The following PPA2 variants were observed in gnomAD, a reference collection of about 807,000 sequenced individuals.
PPA2 encodes inorganic pyrophosphatase 2, mitochondrial.
PPA2 carries 48 observed loss-of-function variants against 49.5 expected under a neutral mutation model. The observed-to-expected ratio is 0.97, with a 90% CI of 0.77 to 1.23. The LOEUF (loss-of-function observed/expected upper bound fraction) is 1.23. PPA2 is among the 50% of genes most tolerant of loss of function. PPA2 has a pLI of 0.00. For synonymous variants in PPA2, 131 were observed against 139.9 expected (o/e 0.94, Z 0.45); for missense variants, 429 against 410.1 (o/e 1.05, Z -0.40).
At chr4:105,453,720 A>C in intron 2 of PPA2, 78 bp from the exon 3 acceptor site, 1 of 1,109,142 alleles carries the variant, frequency 9.0e-7, no homozygotes, top group South Asian at 1.5e-5. Flanking sequence ...TAAAAATATG[A>C]CTATTGTATA....
intron 6 of PPA2, among the ~76,000 whole-genome samples, chr4:105,430,882 AC>A (rs1723768619): frequency 6.6e-6 from 1 of 152,248 alleles, no homozygotes; most frequent in African/African-American, 2.4e-5. Context: ...TTCTTCACTT[AC>A]AAAAACTAGT....
At position 105,426,053 on chromosome 4, in the gene PPA2, A is replaced by G. The variant is rs1228453574; in HGVS notation, c.529-1731T>C. 3.3e-5 allele frequency among the ~76,000 whole-genome samples: 5 copies of G among 152,160 alleles called. 1 individual carries two copies. Among genetic ancestry groups the G allele is most frequent in the African/African-American group, 1.2e-4 (5 of 41,428 alleles). On this transcript the variant is annotated intron_variant, in intron 6 of 11. Coordinates refer to ENST00000341695, the MANE Select transcript of PPA2 (RefSeq NM_176869.3). ...AGGGGGAACTTTCTGGGATGATGGAAATGCTTCATATTTTAATTGAAGGAG... is the reference window on the plus strand; with the variant it reads ...AGGGGGAACTTTCTGGGATGATGGAGATGCTTCATATTTTAATTGAAGGAG...
chr4:105,381,217 A>AT (rs1400429072), intron 10 of PPA2, among the ~76,000 whole-genome samples: 1 of 151,916 alleles, frequency 6.6e-6, no homozygotes, highest in Admixed American at 6.6e-5. Flanking sequence ...TGTTTACACA[A>AT]TTTTTTTCTA....
chr4:105,434,834 C>G (rs149782110), intron 6 of PPA2, among the ~76,000 whole-genome samples: 1 of 152,216 alleles, frequency 6.6e-6, no homozygotes, highest in African/African-American at 2.4e-5. Flanking sequence ...TTATTTCAAA[C>G]AAAGCAGTGT....
At chr4:105,437,781 A>C (rs1400633901) in intron 6 of PPA2, among the ~76,000 whole-genome samples, 169 bp downstream of exon 6, 2 of 152,184 alleles carry the variant, frequency 1.3e-5, no homozygotes, top group African/African-American at 2.4e-5. Flanking sequence ...GCTATAATTT[A>C]CCAACCCCTG....
At chr4:105,425,256 A>G (rs931262364) in intron 6 of PPA2, among the ~76,000 whole-genome samples, 17 of 152,362 alleles carry the variant, frequency 1.1e-4, no homozygotes, top group Middle Eastern at 6.8e-3. Context: ...CATTCAACAG[A>G]AACATTTCCA....
intron 6 of PPA2, among the ~76,000 whole-genome samples, chr4:105,428,762 T>C (rs915853221): frequency 1.3e-5 from 2 of 152,042 alleles, no homozygotes; most frequent in Admixed American, 6.5e-5. Flanking sequence ...GGCACATATA[T>C]ACCTACGTAA....
chr4:105,393,485 AAAT>A (rs57790851), intron 9 of PPA2, among the ~76,000 whole-genome samples: 26,562 of 132,434 alleles, frequency 0.2, 2,611 homozygotes, highest in African/African-American at 0.25. Context: ...CACTGTCTCA[AAAT>A]AATAATAATA....
chr4:105,374,692 A>G (rs1315460233), intron 10 of PPA2, among the ~76,000 whole-genome samples: 1 of 152,140 alleles, frequency 6.6e-6, no homozygotes, highest in Admixed American at 6.6e-5. Flanking sequence ...AACCAATATA[A>G]AGTATCCTGC....
At chr4:105,440,567 G>A (rs895031936) in intron 5 of PPA2, among the ~76,000 whole-genome samples, 8 of 152,038 alleles carry the variant, frequency 5.3e-5, no homozygotes, top group Admixed American at 2.0e-4. Flanking sequence ...GCCAATAAGA[G>A]GATCTTTAGA....
At chr4:105,470,556 C>G (rs1723480063) in intron 1 of PPA2, among the ~76,000 whole-genome samples, 1 of 152,198 alleles carries the variant, frequency 6.6e-6, no homozygotes, top group South Asian at 2.1e-4. Flanking sequence ...CTTCTGAAAC[C>G]TATAAATTAA....
chr4:105,392,693 G>T (rs1733975155), intron 9 of PPA2, among the ~76,000 whole-genome samples: 1 of 151,340 alleles, frequency 6.6e-6, no homozygotes. Flanking sequence ...AAAAGAAAAT[G>T]GTTGGCTTTA....
chr4:105,377,870 T>A (rs1733322517), intron 10 of PPA2, among the ~76,000 whole-genome samples: 1 of 152,174 alleles, frequency 6.6e-6, no homozygotes, highest in African/African-American at 2.4e-5. Context: ...GTGTCAATAA[T>A]CTATTCCTTT....
intron 10 of PPA2, among the ~76,000 whole-genome samples, chr4:105,385,012 T>C (rs1006242063): frequency 2.6e-5 from 4 of 152,168 alleles, no homozygotes; most frequent in African/African-American, 9.7e-5. Flanking sequence ...TTTGAGTGTT[T>C]CTTGAATACC....
intron 3 of PPA2, among the ~76,000 whole-genome samples, chr4:105,450,258 C>A (rs960366302): frequency 1.3e-5 from 2 of 152,140 alleles, no homozygotes; most frequent in Admixed American, 6.5e-5. Context: ...AAGACCAGGG[C>A]CAGTCTGCAA....
At chr4:105,464,580 A>G (rs1174062103) in intron 1 of PPA2, among the ~76,000 whole-genome samples, 1 of 152,198 alleles carries the variant, frequency 6.6e-6, no homozygotes, top group Non-Finnish European at 1.5e-5. Flanking sequence ...GTCCCCACCC[A>G]AATCTCATCT....
At chr4:105,391,660 C>G (rs545326018) in intron 9 of PPA2, among the ~76,000 whole-genome samples, 4 of 152,150 alleles carry the variant, frequency 2.6e-5, no homozygotes, top group African/African-American at 9.6e-5. Flanking sequence ...TGAAGATGTC[C>G]ACCAAAGAAA....
intron 7 of PPA2, among the ~76,000 whole-genome samples, chr4:105,404,242 A>G (rs1272626165): frequency 6.6e-6 from 1 of 152,002 alleles, no homozygotes; most frequent in Non-Finnish European, 1.5e-5. Flanking sequence ...AACACATTCT[A>G]TAAGTACAAT....
At chr4:105,375,573 G>T (rs567853278) in intron 10 of PPA2, among the ~76,000 whole-genome samples, 1 of 152,062 alleles carries the variant, frequency 6.6e-6, no homozygotes, top group Non-Finnish European at 1.5e-5. Context: ...ATTAAAGTGC[G>T]TGCCCATAGA....
Sources: allele counts gnomAD v4.1 joint callset (sites outside exome capture counted in the v4.1 genomes callset), GRCh38; gene constraint gnomAD v4.1.1; transcripts MANE v1.5; gene names NCBI Gene and HGNC (gene_info 2026-07-23, HGNC 2026-07-21).